Variants in TXNDC16 observed in about 807,000 individuals in gnomAD.
TXNDC16 encodes thioredoxin domain containing 16.
Under a neutral mutation model 85.6 loss-of-function variants are expected in TXNDC16, and 74 were observed. That is an observed-to-expected ratio of 0.86 (90% CI 0.72 to 1.05). TXNDC16 has a LOEUF of 1.05. TXNDC16 is among the 50% of genes least tolerant of loss of function. The probability of loss-of-function intolerance (pLI) is 0.00; values close to 1 mark genes in which losing one functional copy is unlikely to be tolerated. For synonymous variants in TXNDC16, 335 were observed against 326.5 expected (o/e 1.03, Z -0.28); for missense variants, 959 against 947.0 (o/e 1.01, Z -0.17).
intron 11 of TXNDC16, 47 bp downstream of exon 11, chr14:52,490,344 T>G: frequency 7.4e-7 from 1 of 1,346,610 alleles, no homozygotes; most frequent in Non-Finnish European, 1.0e-6. Flanking sequence ...TATATTAGCT[T>G]TCTTTAAATA....
chr14:52,517,522 A>C (rs1283911665), intron 7 of TXNDC16, among the ~76,000 whole-genome samples: 5 of 152,028 alleles, frequency 3.3e-5, no homozygotes, highest in Non-Finnish European at 7.4e-5. Flanking sequence ...ACAAACCAAA[A>C]AACGTTTATA....
At chr14:52,450,367 C>T (rs2035378463) in intron 18 of TXNDC16, among the ~76,000 whole-genome samples, 1 of 151,120 alleles carries the variant, frequency 6.6e-6, no homozygotes, top group Non-Finnish European at 1.5e-5. Flanking sequence ...ATACAACCAA[C>T]CAAGATTGAA....
At chr14:52,484,512 T>C (rs897850407) in intron 12 of TXNDC16, among the ~76,000 whole-genome samples, 5 of 152,200 alleles carry the variant, frequency 3.3e-5, no homozygotes, top group African/African-American at 1.2e-4. Context: ...GTAGTGGCCA[T>C]TGTAACATCG....
intron 17 of TXNDC16, 126 bp downstream of exon 17, chr14:52,456,964 T>TA (rs886454600): frequency 1.7e-5 from 11 of 634,252 alleles, no homozygotes; most frequent in South Asian, 4.0e-5. Context: ...TAGAAGGAAA[T>TA]AAAAAAAATT....
chr14:52,499,229 A>T (rs1199740314), intron 9 of TXNDC16, among the ~76,000 whole-genome samples: 3 of 152,174 alleles, frequency 2.0e-5, no homozygotes, highest in Non-Finnish European at 4.4e-5. Context: ...AAAAGAAAAC[A>T]TAGGGGGAAA....
intron 18 of TXNDC16, among the ~76,000 whole-genome samples, chr14:52,443,620 G>A (rs2035213514): frequency 6.6e-6 from 1 of 152,196 alleles, no homozygotes; most frequent in Non-Finnish European, 1.5e-5. Flanking sequence ...TTTTGGAATA[G>A]TGATAATGAA....
chr14:52,439,335 AGGGGAG>A lies in TXNDC16; in HGVS notation c.2057_2062del (p.Pro686_Pro687del). ...CAGATTCACCAAAACAAGAAGAGGAAGGGGAGGCAGAGGATCAAAATATGCCCTCAA... is the reference window on the plus strand; with the variant it reads ...CAGATTCACCAAAACAAGAAGAGGAAGCAGAGGATCAAAATATGCCCTCAA... On this transcript the variant is annotated inframe_deletion, in exon 20 of 21. Transcript: ENST00000281741. 1.2e-6 allele frequency: 2 copies of A among 1,614,056 alleles called. No homozygotes were observed. The highest frequency in any genetic ancestry group is 1.7e-6 in the Non-Finnish European group (2 of 1,179,970).
At chr14:52,507,283 GA>G (rs893601794) in intron 9 of TXNDC16, among the ~76,000 whole-genome samples, 1 of 152,116 alleles carries the variant, frequency 6.6e-6, no homozygotes, top group Non-Finnish European at 1.5e-5. Flanking sequence ...GACAAACAGA[GA>G]GCCAAATCAT....
At chr14:52,551,784 A>G (rs993133365) in intron 1 of TXNDC16, among the ~76,000 whole-genome samples, 4 of 140,536 alleles carry the variant, frequency 2.8e-5, no homozygotes, top group African/African-American at 1.2e-4. Flanking sequence ...TAGCGCCACC[A>G]TCTACCATAC....
In TXNDC16 at chr14:52,543,465, C is replaced by G. The variant is rs2037877165; in HGVS notation, c.93G>C (p.Leu31=). 2 of 1,613,552 alleles carry G rather than the reference C, an allele frequency of 1.2e-6. No individual in the cohort carries two copies. The highest frequency in any genetic ancestry group is 1.7e-6 in the Non-Finnish European group (2 of 1,179,694). Residue 31 remains leucine (L), a synonymous_variant, in exon 3 of 21, where the codon CTG becomes CTC. Coordinates refer to ENST00000281741, the MANE Select transcript of TXNDC16 (RefSeq NM_020784.3). Reference sequence around the variant, plus strand: ...ATGTACTAAAATATTTCTGAGGACTCAGTTCTGGTAAAGAGTTTACTGTTG... The same window carrying G: ...ATGTACTAAAATATTTCTGAGGACTGAGTTCTGGTAAAGAGTTTACTGTTG... ...YMPTVNSLPE[L]SPQKYFSTLQ... is the part of the protein sequence containing the mutation.
chr14:52,494,953 C>T (rs145929482), intron 9 of TXNDC16, among the ~76,000 whole-genome samples: 19 of 152,240 alleles, frequency 1.2e-4, no homozygotes, highest in African/African-American at 4.1e-4. Context: ...AGGGATACAT[C>T]TAATTAACAG....
chr14:52,502,368 G>C (rs2036678444), intron 9 of TXNDC16, among the ~76,000 whole-genome samples: 1 of 152,216 alleles, frequency 6.6e-6, no homozygotes. Context: ...GTGAACAGTG[G>C]TTAGAGCAGG....
At chr14:52,490,364 T>G in intron 11 of TXNDC16, 27 bp downstream of exon 11, 3 of 1,519,476 alleles carry the variant, frequency 2.0e-6, no homozygotes, top group Non-Finnish European at 2.7e-6. Flanking sequence ...AAACAGATAT[T>G]GTAGAACAAT....
chr14:52,533,335 C>T (rs998961678), intron 6 of TXNDC16, among the ~76,000 whole-genome samples: 1 of 152,130 alleles, frequency 6.6e-6, no homozygotes, highest in Admixed American at 6.6e-5. Context: ...ACCAAATTAA[C>T]CATTACCAAG....
chr14:52,441,005 A>G (rs2035152227), intron 18 of TXNDC16, among the ~76,000 whole-genome samples: 1 of 152,208 alleles, frequency 6.6e-6, no homozygotes, highest in African/African-American at 2.4e-5. Context: ...AACACTTCTA[A>G]TAATTTATTA....
intron 12 of TXNDC16, among the ~76,000 whole-genome samples, chr14:52,484,404 G>A (rs900177305): frequency 5.9e-5 from 9 of 152,130 alleles, no homozygotes; most frequent in African/African-American, 1.4e-4. Context: ...ATACAGTCAC[G>A]TACCACATAA....
intron 6 of TXNDC16, among the ~76,000 whole-genome samples, chr14:52,520,398 C>T (rs1179252552): frequency 2.0e-5 from 3 of 152,040 alleles, no homozygotes; most frequent in East Asian, 1.9e-4. Flanking sequence ...CCGAGGCGGG[C>T]GGATCACGAG....
intron 6 of TXNDC16, among the ~76,000 whole-genome samples, chr14:52,530,746 C>T (rs555310714): frequency 7.6e-5 from 11 of 143,878 alleles, no homozygotes; most frequent in Admixed American, 1.5e-4. Context: ...TGTCTGTATA[C>T]GTCAGTATGT....
chr14:52,477,837 A>T (rs1180181168), intron 14 of TXNDC16, among the ~76,000 whole-genome samples: 1 of 152,172 alleles, frequency 6.6e-6, no homozygotes, highest in Non-Finnish European at 1.5e-5. Context: ...CTTAACAGGT[A>T]TTTACAGAAC....
Sources: gnomAD v4.1 joint callset for allele counts (sites outside exome capture counted in the v4.1 genomes callset) on GRCh38, gnomAD v4.1.1 for gene constraint, MANE v1.5 for transcripts, NCBI Gene and HGNC (gene_info 2026-07-23, HGNC 2026-07-21) for gene names.